The following PDE3A variants were observed in gnomAD, a reference collection of about 807,000 sequenced individuals.
PDE3A encodes the protein cGMP-inhibited 3',5'-cyclic phosphodiesterase 3A.
PDE3A carries 43 observed loss-of-function variants against 98.3 expected under a neutral mutation model. The observed-to-expected ratio is 0.44, with a 90% CI of 0.34 to 0.56. PDE3A has a LOEUF of 0.56. Among genes scored for constraint, PDE3A ranks in the 20% least tolerant of loss-of-function variants. PDE3A has a pLI of 0.01. For synonymous variants in PDE3A, 663 were observed against 567.9 expected, an observed-to-expected ratio of 1.17 and a Z score of -2.38; for missense variants, 1,427 against 1,440.7, an observed-to-expected ratio of 0.99 and a Z score of 0.15.
intron 1 of PDE3A, among the ~76,000 whole-genome samples, chr12:20,546,490 G>C (rs1324333146): frequency 6.6e-6 from 1 of 152,026 alleles, no homozygotes; most frequent in African/African-American, 2.4e-5. Flanking sequence ...GCAGTCAGGG[G>C]AGACATACAG....
chr12:20,578,067 G>A lies in PDE3A; in HGVS notation c.1011+21357G>A, dbSNP rs186754816. ...TGGATAGGTTAGGGTCAATGAAGTC[G>A]GAAGAAATTCTTAAAGATCACTTAT... is the stretch of plus-strand genomic sequence containing the variant. On this transcript the variant is annotated intron_variant, in intron 2 of 15. Transcript: ENST00000359062. 4.6e-5 allele frequency among the ~76,000 whole-genome samples: 7 copies of A among 152,196 alleles called. No homozygotes were observed. The South Asian group carries it at 6.2e-4, about 14-fold the overall frequency.
intron 13 of PDE3A, among the ~76,000 whole-genome samples, chr12:20,649,786 T>G (rs1223232878): frequency 6.6e-6 from 1 of 151,844 alleles, no homozygotes; most frequent in Non-Finnish European, 1.5e-5. Flanking sequence ...ATTGGCCAGG[T>G]GTGGTGGCGC....
Position 20,552,684 on chromosome 12 carries a change from A to C in PDE3A, c.961-3976A>C. ...CGGCCCAGCAGAGCAGCCTCATCAG[A>C]GAGGACAAGAGCAACGCCAAGCTGT... On this transcript the variant is annotated intron_variant, in intron 1 of 15. Transcript: ENST00000359062. The surrounding 1 kb of genome is among the most constrained non-coding windows in gnomAD (Gnocchi z 5.1). The C allele has an allele frequency of 1.2e-6, 2 of 1,614,004 alleles. No homozygotes were observed. The highest frequency in any genetic ancestry group is 1.7e-6 in the Non-Finnish European group (2 of 1,179,890).
chr12:20,647,090 C>T (rs1944792707), intron 12 of PDE3A, 140 bp downstream of exon 12: 2 of 611,094 alleles, frequency 3.3e-6, no homozygotes, highest in Admixed American at 6.1e-5. Flanking sequence ...AGAGACCGTG[C>T]TAATTCTGAA....
At chr12:20,481,761 T>A (rs1029254207) in intron 1 of PDE3A, among the ~76,000 whole-genome samples, 4,326 of 116,102 alleles carry the variant, frequency 0.037, 96 homozygotes, top group Non-Finnish European at 0.054. Context: ...ACTTGGGAAA[T>A]AGATTTTTTT....
At chr12:20,409,637 T>C (rs188430139) in intron 1 of PDE3A, among the ~76,000 whole-genome samples, 127 of 152,300 alleles carry the variant, frequency 8.3e-4, no homozygotes, top group Middle Eastern at 3.4e-3. Context: ...AGAGGTGATA[T>C]TATAAATCTT....
intron 6 of PDE3A, among the ~76,000 whole-genome samples, chr12:20,632,009 T>C (rs1944392322): frequency 6.6e-6 from 1 of 152,182 alleles, no homozygotes; most frequent in Non-Finnish European, 1.5e-5. Flanking sequence ...GTAATGTCTA[T>C]GCAACAAGCT....
intron 1 of PDE3A, among the ~76,000 whole-genome samples, chr12:20,479,151 G>T (rs536616548): frequency 2.6e-5 from 4 of 152,096 alleles, no homozygotes; most frequent in Non-Finnish European, 5.9e-5. Context: ...TTATGGTATC[G>T]AATACTTCTA....
chr12:20,502,858 T>C (rs549144872), intron 1 of PDE3A, among the ~76,000 whole-genome samples: 1 of 152,250 alleles, frequency 6.6e-6, no homozygotes, highest in South Asian at 2.1e-4. Context: ...TAAGAAGTGG[T>C]GTTTGGGAGC....
intron 2 of PDE3A, among the ~76,000 whole-genome samples, chr12:20,570,707 A>G (rs1166764183): frequency 3.9e-5 from 6 of 152,142 alleles, no homozygotes; most frequent in Non-Finnish European, 8.8e-5. Context: ...ACAGACCAAG[A>G]TATGAAAATC....
intron 1 of PDE3A, among the ~76,000 whole-genome samples, chr12:20,484,332 T>C (rs1945684075): frequency 6.6e-6 from 1 of 152,202 alleles, no homozygotes; most frequent in South Asian, 2.1e-4. Flanking sequence ...TTATATAAGG[T>C]TTTTCTTTAA....
intron 1 of PDE3A, among the ~76,000 whole-genome samples, chr12:20,505,159 T>A (rs1946093675): frequency 6.6e-6 from 1 of 152,270 alleles, no homozygotes; most frequent in East Asian, 1.9e-4. Context: ...TTACTTTCTA[T>A]AGTCCTATAT....
chr12:20,485,969 C>T (rs557030619), intron 1 of PDE3A, among the ~76,000 whole-genome samples: 2 of 152,238 alleles, frequency 1.3e-5, no homozygotes, highest in Admixed American at 6.5e-5. Flanking sequence ...ATTTGGATGC[C>T]ACGGCTTGAG....
At chr12:20,414,040 A>G (rs1944379339) in intron 1 of PDE3A, among the ~76,000 whole-genome samples, 1 of 152,214 alleles carries the variant, frequency 6.6e-6, no homozygotes, top group Non-Finnish European at 1.5e-5. Context: ...TAGATAACAG[A>G]ATGTGATTCC....
intron 1 of PDE3A, among the ~76,000 whole-genome samples, chr12:20,381,969 AT>A (rs1308300647): frequency 6.6e-6 from 1 of 151,894 alleles, no homozygotes; most frequent in Non-Finnish European, 1.5e-5. Flanking sequence ...TGGTTAATAG[AT>A]TAATCAACCT....
intron 1 of PDE3A, among the ~76,000 whole-genome samples, chr12:20,510,597 C>T (rs1272851822): frequency 6.6e-6 from 1 of 151,868 alleles, no homozygotes; most frequent in Non-Finnish European, 1.5e-5. Flanking sequence ...ATGGATTAGG[C>T]AAAGGATTGA....
chr12:20,639,565 T>G (rs1160631820), intron 9 of PDE3A, among the ~76,000 whole-genome samples: 1 of 152,098 alleles, frequency 6.6e-6, no homozygotes, highest in African/African-American at 2.4e-5. Flanking sequence ...TGAATTAATG[T>G]GAACATTCCA....
intron 15 of PDE3A, among the ~76,000 whole-genome samples, chr12:20,668,157 G>A (rs1380007128): frequency 1.2e-4 from 18 of 152,296 alleles, no homozygotes; most frequent in Middle Eastern, 3.4e-3. Flanking sequence ...AAAAAACGGC[G>A]CACCATGAGA....
rs1370624314 is a variant in PDE3A at position 20,431,091 on chromosome 12, A to G, written c.960+60847A>G. 5.9e-5 allele frequency among the ~76,000 whole-genome samples: 9 copies of G among 152,218 alleles called. No homozygotes were observed. In the East Asian group the frequency reaches 1.5e-3, roughly 26 times the overall value. ...CAGTTTGTCTCATTTGTGGGAAGAA[A>G]TATTATCTGCCCGTCTTTATTACTA... is the stretch of plus-strand genomic sequence containing the variant. On this transcript the variant is annotated intron_variant, in intron 1 of 15. Coordinates refer to ENST00000359062, the MANE Select transcript of PDE3A (RefSeq NM_000921.5).
Sources: gnomAD v4.1 joint callset for allele counts (sites outside exome capture counted in the v4.1 genomes callset) on GRCh38, gnomAD v4.1.1 for gene constraint, Gnocchi (gnomAD v3.1) non-coding constraint, MANE v1.5 for transcripts, NCBI Gene and HGNC (gene_info 2026-07-23, HGNC 2026-07-21) for gene names.